The following MYO1E variants were observed in gnomAD, a reference collection of about 807,000 sequenced individuals.
MYO1E encodes the protein unconventional myosin-Ie.
A neutral mutation model predicts 151.1 loss-of-function variants in MYO1E; 68 were observed. That is an observed-to-expected ratio of 0.45 (90% CI 0.37 to 0.55). The LOEUF is 0.55. MYO1E is among the 20% of genes least tolerant of loss of function. MYO1E has a pLI of 0.00. For synonymous variants in MYO1E, 601 were observed against 501.7 expected (o/e 1.20, Z -2.64); for missense variants, 1,363 against 1,389.3 (o/e 0.98, Z 0.30).
At chr15:59,177,281 G>A (rs925093860) in intron 19 of MYO1E, among the ~76,000 whole-genome samples, 2 of 60,546 alleles carry the variant, frequency 3.3e-5, no homozygotes, top group Admixed American at 4.0e-4. Flanking sequence ...TCTGTGTGCC[G>A]CTTATTTAAT....
intron 1 of MYO1E, among the ~76,000 whole-genome samples, chr15:59,279,086 T>C (rs1309738021): frequency 1.3e-5 from 2 of 152,180 alleles, no homozygotes; most frequent in Admixed American, 6.5e-5. Context: ...AGATTCATTA[T>C]TTGTGTAGCA....
chr15:59,284,800 T>A (rs372669998), intron 1 of MYO1E, among the ~76,000 whole-genome samples: 1 of 152,214 alleles, frequency 6.6e-6, no homozygotes, highest in East Asian at 1.9e-4. Flanking sequence ...TTAAACAGAA[T>A]AACAGGCAAT....
chr15:59,347,928 C>T (rs767456053), intron 1 of MYO1E, among the ~76,000 whole-genome samples: 15 of 152,264 alleles, frequency 9.9e-5, no homozygotes, highest in African/African-American at 3.1e-4. Flanking sequence ...AAGAAAAACA[C>T]CCTGCTGCTT....
intron 2 of MYO1E, among the ~76,000 whole-genome samples, chr15:59,265,312 G>A (rs1167596174): frequency 6.6e-6 from 1 of 152,076 alleles, no homozygotes; most frequent in Non-Finnish European, 1.5e-5. Context: ...AACAGACAAA[G>A]GTACCACCTC....
intron 1 of MYO1E, among the ~76,000 whole-genome samples, chr15:59,362,128 C>T (rs1388805459): frequency 2.6e-5 from 4 of 152,150 alleles, no homozygotes; most frequent in Non-Finnish European, 4.4e-5. Context: ...TGAGCCACCA[C>T]GCCCAGCCTA....
chr15:59,281,166 C>A (rs945009400), intron 1 of MYO1E, among the ~76,000 whole-genome samples: 1 of 152,196 alleles, frequency 6.6e-6, no homozygotes, highest in African/African-American at 2.4e-5. Flanking sequence ...TCAATATTAA[C>A]ACCATTTGAA....
intron 2 of MYO1E, among the ~76,000 whole-genome samples, chr15:59,262,233 C>A (rs1407969051): frequency 6.6e-6 from 1 of 151,388 alleles, no homozygotes. Context: ...AAAAAATATT[C>A]ATCTACTTAT....
intron 1 of MYO1E, among the ~76,000 whole-genome samples, chr15:59,336,151 A>T (rs1185182144): frequency 2.0e-5 from 3 of 152,094 alleles, no homozygotes; most frequent in African/African-American, 7.2e-5. Context: ...CGGGCAGATC[A>T]CTTGAGGCTA....
intron 6 of MYO1E, among the ~76,000 whole-genome samples, chr15:59,228,884 A>G (rs1188468722): frequency 6.6e-6 from 1 of 152,170 alleles, no homozygotes; most frequent in African/African-American, 2.4e-5. Context: ...AGGTGTCAAG[A>G]AAGACCACCG....
At position 59,304,224 on chromosome 15, in the gene MYO1E, T is replaced by C. The variant is rs2080501578; in HGVS notation, c.4-31775A>G. Among the ~76,000 whole-genome samples the C allele has an allele frequency of 2.0e-5, 3 of 152,104 alleles. No individual in the cohort carries two copies. In the South Asian group the frequency reaches 6.2e-4, roughly 31 times the overall value. ...TCTCAAACTCCTGACCTCAGGTGAG[T>C]CATCTGCCTTGGCCTCCCACAGTGC... On this transcript the variant is annotated intron_variant, in intron 1 of 27. Transcript: ENST00000288235.
chr15:59,300,672 G>A (rs1299533396), intron 1 of MYO1E, among the ~76,000 whole-genome samples: 1 of 151,938 alleles, frequency 6.6e-6, no homozygotes, highest in African/African-American at 2.4e-5. Flanking sequence ...TAAATCTTCC[G>A]GGGTTCCCAT....
intron 1 of MYO1E, among the ~76,000 whole-genome samples, chr15:59,359,095 T>C (rs2080870845): frequency 6.6e-6 from 1 of 151,908 alleles, no homozygotes; most frequent in African/African-American, 2.4e-5. Flanking sequence ...AGGATACTTC[T>C]CATCTTGACA....
intron 1 of MYO1E, among the ~76,000 whole-genome samples, chr15:59,283,034 C>CA (rs2080366749): frequency 7.0e-6 from 1 of 142,712 alleles, no homozygotes; most frequent in Non-Finnish European, 1.5e-5. Context: ...CTGAGATGCT[C>CA]AGGGCATCCA....
At chr15:59,266,257 C>T (rs534204079) in intron 2 of MYO1E, among the ~76,000 whole-genome samples, 15 of 152,224 alleles carry the variant, frequency 9.9e-5, no homozygotes, top group Middle Eastern at 3.4e-3. Flanking sequence ...TGGGAAAAGC[C>T]GTTCGGATCA....
chr15:59,204,823 G>A (rs576630420), intron 15 of MYO1E, among the ~76,000 whole-genome samples: 4 of 152,260 alleles, frequency 2.6e-5, no homozygotes, highest in African/African-American at 7.2e-5. Context: ...AAAATTCAAC[G>A]ACCATGAAGA....
At chr15:59,271,821 T>C (rs191850325) in intron 2 of MYO1E, among the ~76,000 whole-genome samples, 1 of 152,356 alleles carries the variant, frequency 6.6e-6, no homozygotes, top group East Asian at 1.9e-4. Flanking sequence ...ATAGAACTCT[T>C]TGCAAACCAG....
At chr15:59,184,876 T>C (rs764606140) in intron 18 of MYO1E, among the ~76,000 whole-genome samples, 1 of 152,222 alleles carries the variant, frequency 6.6e-6, no homozygotes, top group Non-Finnish European at 1.5e-5. Context: ...CTATTCCCCA[T>C]AGTAGTTATA....
At chr15:59,358,627 A>C (rs1233999839) in intron 1 of MYO1E, among the ~76,000 whole-genome samples, 12 of 152,204 alleles carry the variant, frequency 7.9e-5, no homozygotes, top group African/African-American at 2.7e-4. Context: ...TCAACTATTA[A>C]ATACTAATTT....
At chr15:59,167,014 G>C (rs979377933) in intron 22 of MYO1E, among the ~76,000 whole-genome samples, 1 of 152,212 alleles carries the variant, frequency 6.6e-6, no homozygotes, top group African/African-American at 2.4e-5. Context: ...TCAGCACCAG[G>C]TAGGTGCTCA....
Sources: allele counts gnomAD v4.1 joint callset (sites outside exome capture counted in the v4.1 genomes callset), GRCh38; gene constraint gnomAD v4.1.1; transcripts MANE v1.5; gene names NCBI Gene and HGNC (gene_info 2026-07-23, HGNC 2026-07-21).